The following RDH12 variants were observed in gnomAD, a reference collection of about 807,000 sequenced individuals.
RDH12 encodes all-trans and 9-cis retinol dehydrogenase.
Under a neutral mutation model 34.0 loss-of-function variants are expected in RDH12, and 21 were observed. The observed-to-expected ratio is 0.62, with a 90% CI of 0.44 to 0.89. The LOEUF (loss-of-function observed/expected upper bound fraction) is 0.89. Ranked by LOEUF, RDH12 falls within the 40% of genes least tolerant of loss-of-function variation. RDH12 has a pLI of 0.00. For synonymous variants in RDH12, 198 were observed against 169.9 expected (o/e 1.17, Z -1.29); for missense variants, 394 against 398.6 (o/e 0.99, Z 0.10).
chr14:67,706,040 G>A (rs1182614494), intron 1 of RDH12: 1 of 152,210 alleles, frequency 6.6e-6, no homozygotes, highest in Non-Finnish European at 1.5e-5. Context: ...TTCTGGGCTT[G>A]TAGTGTATTG....
At position 67,726,042 on chromosome 14, in the gene RDH12, G is replaced by T. The variant is rs746242098; in HGVS notation, c.344-9G>T. ...CTAACCATAGGATCTCTTTGGTTGT[G>T]CCCTATAGAGGAAAAGCAGCTCCAT... On this transcript the variant is annotated splice_polypyrimidine_tract_variant and intron_variant, in intron 5 of 8. Transcript: ENST00000551171. The T allele has an allele frequency of 6.3e-7, 1 of 1,595,926 alleles. No individual in the cohort carries two copies. Among genetic ancestry groups the T allele is most frequent in the South Asian group, 1.1e-5 (1 of 90,692 alleles).
intron 1 of RDH12, among the ~76,000 whole-genome samples, chr14:67,715,578 A>G: frequency 6.6e-6 from 1 of 152,126 alleles, no homozygotes; most frequent in East Asian, 1.9e-4. Context: ...AAAATTTCCC[A>G]ACATTTAATT....
intron 8 of RDH12, among the ~76,000 whole-genome samples, chr14:67,733,153 A>T (rs2038307839): frequency 6.6e-6 from 1 of 152,012 alleles, no homozygotes; most frequent in South Asian, 2.1e-4. Flanking sequence ...AAAAAAAAAC[A>T]TGATGAGAAC....
At chr14:67,706,909 G>T (rs1156703448) in intron 1 of RDH12, among the ~76,000 whole-genome samples, 1 of 152,176 alleles carries the variant, frequency 6.6e-6, no homozygotes, top group East Asian at 1.9e-4. Context: ...ATTTTTAGAA[G>T]GTTGTGAAGT....
At chr14:67,723,909 C>G (rs1373035783) in intron 3 of RDH12, among the ~76,000 whole-genome samples, 4 of 152,294 alleles carry the variant, frequency 2.6e-5, no homozygotes, top group Non-Finnish European at 4.4e-5. Context: ...AATGAAATCT[C>G]TAATACAATG....
intron 1 of RDH12, among the ~76,000 whole-genome samples, chr14:67,706,860 G>A (rs12893907): frequency 0.13 from 19,224 of 152,144 alleles, 1,478 homozygotes; most frequent in South Asian, 0.33. Context: ...AGGATGGTTC[G>A]TTCCTAGACA....
Position 67,726,074 on chromosome 14 carries a change from A to G in RDH12, c.367A>G (p.Ile123Val), listed in dbSNP as rs201334061. The G allele has an allele frequency of 9.3e-6, 15 of 1,614,006 alleles. No homozygotes were observed. Among genetic ancestry groups the G allele is most frequent in the Non-Finnish European group, 1.3e-5 (15 of 1,179,876 alleles). ...AGAGGAAAAGCAGCTCCATATTCTG[A>G]TCAACAATGCGGGAGTAATGATGTG... ...LAEEKQLHIL[I>V]NNAGVMMCPY... is the part of the protein sequence containing the mutation. The change falls in exon 6 of 9, where the codon ATC (isoleucine) becomes GTC (valine). Residue 123 changes from isoleucine (I) to valine (V), a missense_variant. Ile to Val is a conservative substitution (Grantham distance 29). Transcript: ENST00000551171.
At chr14:67,725,392 C>G (rs1034410598) in intron 5 of RDH12, 138 bp downstream of exon 5, 4 of 898,920 alleles carry the variant, frequency 4.4e-6, no homozygotes, top group Non-Finnish European at 7.2e-6. Context: ...ACCAGCAGGA[C>G]AGGGAATTGG....
chr14:67,703,804 T>C (rs1229059323), intron 1 of RDH12, among the ~76,000 whole-genome samples: 1 of 152,110 alleles, frequency 6.6e-6, no homozygotes. Context: ...GCCTCCCTAA[T>C]AGCTGGGACT....
rs999399673 is a variant in RDH12, at chr14:67,722,390, G to C, written c.-219-34G>C. 7 of 578,894 alleles carry C rather than the reference G, an allele frequency of 1.2e-5. No homozygotes were observed. The South Asian group carries it at 1.4e-4, about 12-fold the overall frequency. 35.9% of individuals were successfully genotyped at this position (578,894 alleles called of 1,614,324 possible). ...TCTCTTTGCCAGTAAACCTAAGTAA[G>C]CTTCAAACCTTGACTCCATCCCCTC... On this transcript the variant is annotated intron_variant, in intron 2 of 8. Coordinates refer to ENST00000551171, the MANE Select transcript of RDH12 (RefSeq NM_152443.3).
At chr14:67,710,066 G>C (rs182976169) in intron 1 of RDH12, among the ~76,000 whole-genome samples, 1 of 152,284 alleles carries the variant, frequency 6.6e-6, no homozygotes, top group Non-Finnish European at 1.5e-5. Flanking sequence ...GAGTCTTCCT[G>C]CCTTTGTTTT....
Position 67,730,875 on chromosome 14 carries a change from A to C in RDH12, c.848+1495A>C, listed in dbSNP as rs150176761. 4.0e-3 allele frequency among the ~76,000 whole-genome samples: 606 copies of C among 152,274 alleles called. 19 individuals carry two copies. Among genetic ancestry groups the C allele is most frequent in the Admixed American group, 0.036 (551 of 15,296 alleles). On this transcript the variant is annotated intron_variant, in intron 8 of 8. Transcript: ENST00000551171. ...TGCCTTGGCCTCCTAAAGTGCTGGG[A>C]TTACAGGCGTGAGCCACCGCGCCCA...
intron 8 of RDH12, among the ~76,000 whole-genome samples, chr14:67,730,643 ACT>A (rs2038257177): frequency 6.6e-6 from 1 of 152,074 alleles, no homozygotes; most frequent in Non-Finnish European, 1.5e-5. Context: ...CACTCTTGTC[ACT>A]CAGGCTGGAG....
intron 8 of RDH12, 62 bp from the exon 9 acceptor site, chr14:67,733,684 A>G: frequency 9.0e-7 from 1 of 1,106,302 alleles, no homozygotes. Context: ...GAAAGGGACC[A>G]TAAAGATTTC....
At chr14:67,732,385 G>A (rs983469414) in intron 8 of RDH12, among the ~76,000 whole-genome samples, 2 of 144,226 alleles carry the variant, frequency 1.4e-5, no homozygotes, top group Non-Finnish European at 3.0e-5. Context: ...CTGCATGATA[G>A]TGCCACTGCA....
chr14:67,717,034 A>G (rs1440408376), intron 1 of RDH12, among the ~76,000 whole-genome samples: 1 of 152,202 alleles, frequency 6.6e-6, no homozygotes, highest in Non-Finnish European at 1.5e-5. Flanking sequence ...ACTTTATTTT[A>G]TTAACATACT....
At chr14:67,726,350 C>T (rs1218326380) in intron 6 of RDH12, among the ~76,000 whole-genome samples, 195 bp downstream of exon 6, 1 of 152,172 alleles carries the variant, frequency 6.6e-6, no homozygotes, top group Non-Finnish European at 1.5e-5. Context: ...CTACCCATAC[C>T]ATTAAGAAGC....
At chr14:67,710,421 T>C (rs1040115890) in intron 1 of RDH12, among the ~76,000 whole-genome samples, 6 of 152,222 alleles carry the variant, frequency 3.9e-5, no homozygotes, top group African/African-American at 1.4e-4. Context: ...GTTTGTTTTA[T>C]AAATCCGCTT....
chr14:67,727,460 C>A, intron 7 of RDH12: 3 of 399,842 alleles, frequency 7.5e-6, no homozygotes, highest in Admixed American at 4.1e-5. Context: ...CTTTTTGCAA[C>A]AGACAGAGGC....
Sources: gnomAD v4.1 joint callset for allele counts (sites outside exome capture counted in the v4.1 genomes callset) on GRCh38, gnomAD v4.1.1 for gene constraint, MANE v1.5 for transcripts, NCBI Gene and HGNC (gene_info 2026-07-23, HGNC 2026-07-21) for gene names.